The following PHIP variants were observed in gnomAD, a reference collection of about 807,000 sequenced individuals.
PHIP encodes PH-interacting protein.
PHIP carries 54 observed loss-of-function variants against 236.8 expected under a neutral mutation model. The observed-to-expected ratio is 0.23, with a 90% CI of 0.18 to 0.29. PHIP has a LOEUF of 0.29. PHIP is among the 10% of genes least tolerant of loss of function. The pLI is 1.00. For missense variants in PHIP, 1,370 were observed against 2,190.8 expected (o/e 0.63, Z 7.48); for synonymous variants, 756 against 718.9 (o/e 1.05, Z -0.83).
At chr6:79,013,163 A>G (rs1474613300) in intron 15 of PHIP, among the ~76,000 whole-genome samples, 1 of 151,772 alleles carries the variant, frequency 6.6e-6, no homozygotes, top group African/African-American at 2.4e-5. Context: ...AAGACCAAGA[A>G]TAATAAAATC....
In PHIP at chr6:78,954,838, C is replaced by A; in HGVS notation, c.4029G>T (p.Gln1343His). ...FQCEDSEPFR[Q>H]PVDLLEYPDY... The stretch of plus-strand genomic sequence containing the variant: ...CTGGATATTCAAGGAGATCTACCGG[C>A]TGACGGAAAGGCTCTGAATCTTCAC... Residue 1343 changes from glutamine to histidine, a missense_variant, in exon 35 of 40, where the codon CAG becomes CAT. Transcript: ENST00000275034. The A allele has an allele frequency of 6.3e-7, 1 of 1,580,622 alleles. No individual in the cohort carries two copies. The highest frequency in any genetic ancestry group is 8.6e-7 in the Non-Finnish European group (1 of 1,169,066).
rs1773327992 is a variant in PHIP at position 78,937,708 on chromosome 6, A to C, written c.*2985T>G. The C allele has an allele frequency of 6.6e-6, 1 of 151,758 alleles. No individual in the cohort carries two copies. Among genetic ancestry groups the C allele is most frequent in the Non-Finnish European group, 1.5e-5 (1 of 67,672 alleles). The allele number at this position is 151,758 out of a possible 1,614,324, so 9.4% of individuals were successfully genotyped here. On this transcript the variant is annotated 3_prime_UTR_variant, in exon 40 of 40. Transcript: ENST00000275034. ...ATCTTTAGTTTATAATACATGCAGA[A>C]AATAGTCCAATGCCACTATAGCAGG...
Position 79,038,560 on chromosome 6 carries a change from T to C in PHIP, c.600+4283A>G, listed in dbSNP as rs1001787965. On this transcript the variant is annotated intron_variant, in intron 7 of 39. Coordinates refer to ENST00000275034, the MANE Select transcript of PHIP (RefSeq NM_017934.7). ...CTAATCTTACTTTAGGTTTCTGCCT[T>C]TCATGAAATTCTCATCTCCTGGCTT... 7.2e-5 allele frequency among the ~76,000 whole-genome samples: 11 copies of C among 152,198 alleles called. 1 individual carries two copies. The highest frequency in any genetic ancestry group is 2.2e-4 in the African/African-American group (9 of 41,448).
In PHIP at chr6:78,940,548, GTTTTTTTTTT is replaced by G. The variant is rs36155238; in HGVS notation, c.*135_*144del. The G allele has an allele frequency of 1.3e-4, 11 of 82,716 alleles. No homozygotes were observed. Among genetic ancestry groups the G allele is most frequent in the South Asian group, 4.6e-4 (1 of 2,184 alleles). 5.1% of individuals were successfully genotyped at this position (82,716 alleles called of 1,614,324 possible). ...AAGAAGTGAAGTGTCTCGTAAGTTT[GTTTTTTTTTT>G]TTTTTTTTTTTTTGCAAATCAAATC... On this transcript the variant is annotated 3_prime_UTR_variant, in exon 40 of 40. Coordinates refer to ENST00000275034, the MANE Select transcript of PHIP (RefSeq NM_017934.7).
chr6:79,005,186 A>C (rs1323736946), intron 15 of PHIP, among the ~76,000 whole-genome samples: 1 of 152,090 alleles, frequency 6.6e-6, no homozygotes, highest in African/African-American at 2.4e-5. Flanking sequence ...TAGAAAAGAA[A>C]GGAAATGAAT....
At chr6:78,973,998 A>C (rs1767836960) in intron 24 of PHIP, among the ~76,000 whole-genome samples, 1 of 152,148 alleles carries the variant, frequency 6.6e-6, no homozygotes, top group African/African-American at 2.4e-5. Flanking sequence ...ATACCCAGGA[A>C]TTGAACTCAG....
Position 78,941,195 on chromosome 6 carries a change from A to T in PHIP, c.4964T>A (p.Ile1655Lys). The change falls in exon 40 of 40, where the codon ATA becomes AAA. Residue 1655 changes from isoleucine to lysine, a missense_variant. By Grantham distance (102) the Ile-to-Lys change is moderately radical. Around this residue, in one of 14 missense-constraint regions of PHIP, gnomAD observed 309 missense variants for 328.3 expected, o/e 0.94. Coordinates refer to ENST00000275034, the MANE Select transcript of PHIP (RefSeq NM_017934.7). ...GGGCTTTCTACCCCTTTTCTTGTGT[A>T]TAATTTCACCACTATTGGTATTAAC... ...VEVNTNSGEI[I>K]HKKRGRKPKK... is the part of the protein sequence containing the mutation. The T allele has an allele frequency of 6.2e-7, 1 of 1,613,962 alleles. No homozygotes were observed. Among genetic ancestry groups the T allele is most frequent in the South Asian group, 1.1e-5 (1 of 91,072 alleles).
rs1336338121 is a variant in PHIP at position 79,077,930 on chromosome 6, G to A, written c.41-17C>T. 3.1e-6 allele frequency: 5 copies of A among 1,593,712 alleles called. No individual in the cohort carries two copies. The highest frequency in any genetic ancestry group is 1.7e-5 in the Admixed American group (1 of 58,098). Reference sequence around the variant, plus strand: ...AGTAGAGCTCTGCGCGGGAGAGAGGGACGGGGAGACACACAGGCTGAGCGG... The same window carrying A: ...AGTAGAGCTCTGCGCGGGAGAGAGGAACGGGGAGACACACAGGCTGAGCGG... On this transcript the variant is annotated splice_polypyrimidine_tract_variant and intron_variant, in intron 1 of 39. Transcript: ENST00000275034.
intron 10 of PHIP, 105 bp downstream of exon 10, chr6:79,018,984 T>G: frequency 1.4e-6 from 1 of 735,752 alleles, no homozygotes; most frequent in Non-Finnish European, 2.4e-6. Flanking sequence ...TATAAGAACA[T>G]GATTGATAAT....
chr6:78,940,088 A>C lies in PHIP; in HGVS notation c.*605T>G, dbSNP rs1340493467. 1 of 152,454 alleles carries C rather than the reference A, an allele frequency of 6.6e-6. No homozygotes were observed. Among genetic ancestry groups the C allele is most frequent in the African/African-American group, 2.4e-5 (1 of 41,444 alleles). 9.4% of individuals were successfully genotyped at this position (152,454 alleles called of 1,614,324 possible). A position where few individuals can be genotyped will look rare whatever the true frequency, so the allele number is the denominator to read the frequency against. ...GTACATTTTCTCTTGTTTGGCAGAA[A>C]TGGAATAAAGCAAAAGCCTCCTCTA... On this transcript the variant is annotated 3_prime_UTR_variant, in exon 40 of 40. Transcript: ENST00000275034.
rs779952296 is a variant in PHIP at position 78,970,847 on chromosome 6, C to A, written c.2931G>T (p.Met977Ile). 1 of 1,611,070 alleles carries A rather than the reference C, an allele frequency of 6.2e-7. No individual in the cohort carries two copies. The highest frequency in any genetic ancestry group is 2.2e-5 in the East Asian group (1 of 44,718). Residue 977 changes from methionine (M) to isoleucine (I), a missense_variant, in exon 25 of 40, where the codon ATG becomes ATT. Physicochemically the swap from Met to Ile is conservative, Grantham distance 10 (BLOSUM62 1). Transcript: ENST00000275034. ...TACTATATATTTTATTTTTCCGGGC[C>A]ATTTCGACATAGGCTTCATGTCCTT... ...FRQGHEAYVEMARKNKIYSIN... is the reference protein window; with the variant it reads ...FRQGHEAYVEIARKNKIYSIN...
intron 15 of PHIP, chr6:79,004,453 G>C: frequency 1.0e-6 from 1 of 976,204 alleles, no homozygotes; most frequent in South Asian, 4.7e-5. Context: ...ATCAAACAGA[G>C]GTGGCCAATC....
chr6:79,027,504 C>T (rs917056472), intron 7 of PHIP, among the ~76,000 whole-genome samples: 5 of 151,994 alleles, frequency 3.3e-5, no homozygotes, highest in East Asian at 3.9e-4. Context: ...TAAAATTAAG[C>T]GATTCATGCA....
intron 31 of PHIP, 118 bp from the exon 32 acceptor site, chr6:78,958,718 T>A (rs1407953325): frequency 1.5e-6 from 1 of 682,546 alleles, no homozygotes; most frequent in African/African-American, 1.8e-5. Context: ...GTAAAAACCA[T>A]TGGTCTTATA....
chr6:79,008,858 T>C (rs955827472), intron 15 of PHIP, among the ~76,000 whole-genome samples: 2 of 152,158 alleles, frequency 1.3e-5, no homozygotes, highest in African/African-American at 4.8e-5. Flanking sequence ...ATGTCTTTCA[T>C]ATTTCCACTA....
intron 21 of PHIP, among the ~76,000 whole-genome samples, chr6:78,986,249 C>CT (rs1381313969): frequency 6.6e-6 from 1 of 152,200 alleles, no homozygotes; most frequent in African/African-American, 2.4e-5. Context: ...CTTAAACACT[C>CT]TGTTTCTCTT....
chr6:79,060,373 A>G, intron 6 of PHIP, 105 bp downstream of exon 6: 3 of 663,198 alleles, frequency 4.5e-6, no homozygotes, highest in Non-Finnish European at 7.5e-6. Flanking sequence ...ATGCAGATGT[A>G]CATAATATGA....
chr6:78,988,664 A>G (rs1769018778), intron 20 of PHIP, among the ~76,000 whole-genome samples: 2 of 152,202 alleles, frequency 1.3e-5, no homozygotes, highest in South Asian at 4.1e-4. Flanking sequence ...ATATTTTAAC[A>G]TTCATCAAGT....
intron 24 of PHIP, among the ~76,000 whole-genome samples, chr6:78,975,474 T>TGC (rs1363333931): frequency 6.6e-6 from 1 of 152,192 alleles, no homozygotes; most frequent in Non-Finnish European, 1.5e-5. Flanking sequence ...AAGACAGGGA[T>TGC]GCTCTCTCTC....
Sources: allele counts gnomAD v4.1 joint callset (sites outside exome capture counted in the v4.1 genomes callset), GRCh38; gene constraint gnomAD v4.1.1; regional missense constraint gnomAD v4.1.1; transcripts MANE v1.5; gene names NCBI Gene and HGNC (gene_info 2026-07-23, HGNC 2026-07-21).